Variants in NEXMIF observed in about 807,000 individuals in gnomAD.
NEXMIF encodes the protein XLMR protein related to neurite extension.
A neutral mutation model predicts 62.1 loss-of-function variants in NEXMIF; 8 were observed. That is an observed-to-expected ratio of 0.13 (90% CI 0.08 to 0.23). The LOEUF (loss-of-function observed/expected upper bound fraction) is 0.23. Among genes scored for constraint, NEXMIF ranks in the 10% least tolerant of loss-of-function variants. The pLI is 1.00. For synonymous variants in NEXMIF, 404 were observed against 416.6 expected, an observed-to-expected ratio of 0.97 and a Z score of 0.37; for missense variants, 976 against 1,113.3, an observed-to-expected ratio of 0.88 and a Z score of 1.75.
intron 1 of NEXMIF, among the ~76,000 whole-genome samples, chrX:74,821,583 T>A (rs956915745): frequency 1.4e-4 from 16 of 112,286 alleles, no homozygotes; most frequent in African/African-American, 3.9e-4. Context: ...ATGAATAATA[T>A]CGACTGCATC....
chrX:74,884,986 A>G (rs998869519), intron 1 of NEXMIF, among the ~76,000 whole-genome samples: 7 of 111,251 alleles, frequency 6.3e-5, no homozygotes, highest in Admixed American at 9.6e-5. Context: ...CTCAGGATTA[A>G]GAAACTCACT....
intron 1 of NEXMIF, among the ~76,000 whole-genome samples, chrX:74,868,547 G>T: frequency 1.0e-5 from 1 of 98,161 alleles, no homozygotes; most frequent in Non-Finnish European, 2.0e-5. Context: ...AGCATCACAT[G>T]TTCTCACTTA....
At chrX:74,768,895 C>T (rs989285513) in intron 1 of NEXMIF, among the ~76,000 whole-genome samples, 1 of 111,757 alleles carries the variant, frequency 8.9e-6, no homozygotes, top group Admixed American at 9.5e-5. Context: ...AAAAGAAAAA[C>T]AGAACACATT....
intron 1 of NEXMIF, among the ~76,000 whole-genome samples, chrX:74,913,291 G>A (rs900597818): frequency 8.9e-6 from 1 of 111,824 alleles, no homozygotes; most frequent in African/African-American, 3.2e-5. Flanking sequence ...CTCTACAACA[G>A]AATGAAGAAG....
At chrX:74,906,104 T>C (rs2080768238) in intron 1 of NEXMIF, among the ~76,000 whole-genome samples, 1 of 108,521 alleles carries the variant, frequency 9.2e-6, no homozygotes, top group Admixed American at 9.8e-5. Flanking sequence ...ACTCTGTCTC[T>C]ACACAATTTT....
intron 1 of NEXMIF, among the ~76,000 whole-genome samples, chrX:74,753,009 G>A (rs2080148900): frequency 9.0e-6 from 1 of 111,535 alleles, no homozygotes; most frequent in African/African-American, 3.3e-5. Context: ...GTCCTCTGAA[G>A]AACCACACCA....
chrX:74,873,126 G>A (rs2080610586), intron 1 of NEXMIF, among the ~76,000 whole-genome samples: 1 of 110,202 alleles, frequency 9.1e-6, no homozygotes, highest in East Asian at 2.9e-4. Context: ...ATCTCCCAAT[G>A]CTATCCCTCC....
chrX:74,834,257 T>C (rs972478324), intron 1 of NEXMIF, among the ~76,000 whole-genome samples: 4 of 111,816 alleles, frequency 3.6e-5, no homozygotes, highest in African/African-American at 1.3e-4. Flanking sequence ...ATTGTCTATG[T>C]CTTGAAAAGT....
At chrX:74,832,798 GT>G (rs1458532217) in intron 1 of NEXMIF, among the ~76,000 whole-genome samples, 1 of 111,127 alleles carries the variant, frequency 9.0e-6, no homozygotes, top group Non-Finnish European at 1.9e-5. Flanking sequence ...TGTCCCACAT[GT>G]TTTTGTATGC....
chrX:74,785,224 G>A (rs2080257156), intron 1 of NEXMIF, among the ~76,000 whole-genome samples: 1 of 111,347 alleles, frequency 9.0e-6, no homozygotes, highest in African/African-American at 3.3e-5. Flanking sequence ...GGGGCCACCA[G>A]TACATTGCTT....
In NEXMIF at chrX:74,874,020, T is replaced by G. The variant is rs370966998; in HGVS notation, c.-48+50863A>C. The stretch of plus-strand genomic sequence containing the variant: ...AATTAGATCCCATTTGTCAATTTTG[T>G]CTTTTGTTGCCATTGCTTTTGGTGT... On this transcript the variant is annotated intron_variant, in intron 1 of 3. Coordinates refer to ENST00000055682, the MANE Select transcript of NEXMIF (RefSeq NM_001008537.3). Among the ~76,000 whole-genome samples the G allele has an allele frequency of 7.9e-4, 87 of 110,477 alleles. 3 individuals carry two copies. The highest frequency in any genetic ancestry group is 7.5e-3 in the East Asian group (26 of 3,471).
Position 74,750,606 on chromosome X carries a change from G to C in NEXMIF, c.-47-4909C>G, listed in dbSNP as rs763495911. 4.5e-5 allele frequency among the ~76,000 whole-genome samples: 5 copies of C among 112,000 alleles called. No homozygotes were observed. The South Asian group carries it at 1.9e-3, about 42-fold the overall frequency. On this transcript the variant is annotated intron_variant, in intron 1 of 3. Coordinates refer to ENST00000055682, the MANE Select transcript of NEXMIF (RefSeq NM_001008537.3). ...AAGCTAGCCCAGCTAGCTCTGTCTA[G>C]TCTGATTCTTCCCAGTCTAGCTTTA...
intron 1 of NEXMIF, among the ~76,000 whole-genome samples, chrX:74,809,689 T>C (rs1429863159): frequency 9.0e-6 from 1 of 111,704 alleles, no homozygotes; most frequent in Non-Finnish European, 1.9e-5. Context: ...TCGTGTTTCC[T>C]GATGCCAAAT....
chrX:74,750,395 G>A (rs2080138418), intron 1 of NEXMIF, among the ~76,000 whole-genome samples: 1 of 111,795 alleles, frequency 8.9e-6, no homozygotes, highest in African/African-American at 3.3e-5. Context: ...AGCAAGGCCA[G>A]TATGAAGACC....
rs1278030944 is a variant in NEXMIF at position 74,741,638 on chromosome X, C to A, written c.2919G>T (p.Glu973Asp). 3 of 1,211,630 alleles carry A rather than the reference C, an allele frequency of 2.5e-6. No homozygotes were observed. The highest frequency in any genetic ancestry group is 5.9e-5 in the East Asian group (2 of 33,848). ...GCCCCTGCTGGAAAGGAAAGCAGATCTCTCCATTATTAAAGTGACATAATT... is the reference window on the plus strand; with the variant it reads ...GCCCCTGCTGGAAAGGAAAGCAGATATCTCCATTATTAAAGTGACATAATT... ...SYQLCHFNNG[E>D]ICFPFQQGPV... Residue 973 changes from glutamate to aspartate, a missense_variant, in exon 3 of 4, where the codon GAG (glutamate) becomes GAT (aspartate). By Grantham distance (45) the Glu-to-Asp change is conservative. Coordinates refer to ENST00000055682, the MANE Select transcript of NEXMIF (RefSeq NM_001008537.3).
chrX:74,884,808 T>A (rs763357895), intron 1 of NEXMIF, among the ~76,000 whole-genome samples: 7 of 111,765 alleles, frequency 6.3e-5, no homozygotes, highest in African/African-American at 2.3e-4. Flanking sequence ...AATAGACATC[T>A]ACAGAATTCC....
intron 1 of NEXMIF, among the ~76,000 whole-genome samples, chrX:74,800,162 A>C (rs181932676): frequency 8.9e-6 from 1 of 111,741 alleles, no homozygotes; most frequent in Non-Finnish European, 1.9e-5. Context: ...GAAACTACAC[A>C]AAGTATCCAC....
intron 1 of NEXMIF, among the ~76,000 whole-genome samples, chrX:74,751,433 G>A (rs2080141948): frequency 9.1e-6 from 1 of 110,000 alleles, no homozygotes; most frequent in Non-Finnish European, 1.9e-5. Flanking sequence ...TAACAATCTA[G>A]AATTCATTTA....
rs143126352 is a variant in NEXMIF at position 74,834,783 on chromosome X, T to C, written c.-47-89086A>G. Among the ~76,000 whole-genome samples, 50 of 111,533 alleles carry C rather than the reference T, an allele frequency of 4.5e-4. 1 individual carries two copies. Among genetic ancestry groups the C allele is most frequent in the Middle Eastern group, 4.6e-3 (1 of 217 alleles). ...TTGATTATTAGATGCCTTGAGGTAGTCTTCTTTGGGTTAAAGCTGCTTAGT... is the reference window on the plus strand; with the variant it reads ...TTGATTATTAGATGCCTTGAGGTAGCCTTCTTTGGGTTAAAGCTGCTTAGT... On this transcript the variant is annotated intron_variant, in intron 1 of 3. Transcript: ENST00000055682.
Sources: gnomAD v4.1 joint callset for allele counts (sites outside exome capture counted in the v4.1 genomes callset) on GRCh38, gnomAD v4.1.1 for gene constraint, MANE v1.5 for transcripts, NCBI Gene and HGNC (gene_info 2026-07-23, HGNC 2026-07-21) for gene names.